MGAT5B: variants seen among roughly 807,000 people sequenced by gnomAD.
The protein encoded by MGAT5B is alpha-1,6-mannosylglycoprotein 6-beta-N-acetylglucosaminyltransferase B.
A neutral mutation model predicts 95.1 loss-of-function variants in MGAT5B; 54 were observed. The ratio of observed to expected loss-of-function variants is 0.57; its 90% CI spans 0.46 to 0.71. MGAT5B has a LOEUF of 0.71. Among genes scored for constraint, MGAT5B ranks in the 30% least tolerant of loss-of-function variants. The pLI, the probability that MGAT5B is intolerant of heterozygous loss-of-function variation, is 0.00. For missense variants in MGAT5B, 935 were observed against 1,088.6 expected (o/e 0.86, Z 1.99); for synonymous variants, 464 against 451.0 (o/e 1.03, Z -0.36).
Position 76,870,416 on chromosome 17 carries a change from G to C in MGAT5B, c.68+1319G>C, listed in dbSNP as rs544852410. Among the ~76,000 whole-genome samples the C allele has an allele frequency of 2.6e-5, 4 of 152,264 alleles. No homozygotes were observed. In the South Asian group the frequency reaches 8.3e-4, roughly 32 times the overall value. On this transcript the variant is annotated intron_variant, in intron 1 of 17. Transcript: ENST00000569840. The surrounding 1 kb of genome is among the most constrained non-coding windows in gnomAD (Gnocchi z 5.0). ...AGCAGGCGTCTCTGGAAAGGGCCTTGCTCCTCCAGGGAAGGCCTTGAATCC... is the reference window on the plus strand; with the variant it reads ...AGCAGGCGTCTCTGGAAAGGGCCTTCCTCCTCCAGGGAAGGCCTTGAATCC...
At chr17:76,926,507 CT>C (rs2145242107) in intron 9 of MGAT5B, 89 bp from the exon 10 acceptor site, 8 of 1,309,650 alleles carry the variant, frequency 6.1e-6, no homozygotes, top group South Asian at 4.1e-5. Context: ...CCACCACTGG[CT>C]GGTGACAGTG....
intron 2 of MGAT5B, among the ~76,000 whole-genome samples, chr17:76,881,732 G>T (rs1967425865): frequency 6.6e-6 from 1 of 152,240 alleles, no homozygotes; most frequent in Non-Finnish European, 1.5e-5. Context: ...GTCCTGCCTG[G>T]AGCTTACCGT....
chr17:76,947,945 C>T lies in MGAT5B; in HGVS notation c.2039C>T (p.Pro680Leu), dbSNP rs1179337475. 5.0e-6 allele frequency: 8 copies of T among 1,612,810 alleles called. No individual in the cohort carries two copies. The South Asian group carries it at 7.7e-5, about 16-fold the overall frequency. Residue 680 changes from proline (P) to leucine (L), a missense_variant, in exon 17 of 18, where the codon CCT (proline) becomes CTT (leucine). Coordinates refer to ENST00000569840, the MANE Select transcript of MGAT5B (RefSeq NM_001199172.2). ...LEWARNTSLA[P>L]GAWPPAHALR... Reference sequence around the variant, plus strand: ...TGGGCTCGGAACACCAGCTTGGCTCCTGGGGCCTGGCCCCCCGCGCACGCC... The same window carrying T: ...TGGGCTCGGAACACCAGCTTGGCTCTTGGGGCCTGGCCCCCCGCGCACGCC...
chr17:76,916,686 G>A lies in MGAT5B; in HGVS notation c.1026-8280G>A, dbSNP rs897069041. Among the ~76,000 whole-genome samples, 16 of 152,322 alleles carry A rather than the reference G, an allele frequency of 1.1e-4. No individual in the cohort carries two copies. In the East Asian group the frequency reaches 1.2e-3, roughly 11 times the overall value. On this transcript the variant is annotated intron_variant, in intron 8 of 17. Coordinates refer to ENST00000569840, the MANE Select transcript of MGAT5B (RefSeq NM_001199172.2). This position sits in a 1 kb window ranked among gnomAD's most constrained non-coding sequence, Gnocchi z 5.3. ...GGGCTGGCTTCTGGATGCTCCTGAC[G>A]GAGGCAGGATTCATCCCTGGGGAGG...
Position 76,932,709 on chromosome 17 carries a change from G to A in MGAT5B, c.1356G>A (p.Arg452=), listed in dbSNP as rs1196770568. The part of the protein sequence containing the change: ...VSEELNETEK[R]LIKGGKASNM... The stretch of plus-strand genomic sequence containing the variant: ...AGGAGCTCAACGAGACGGAGAAGCG[G>A]CTCATCAAAGGCGGCAAGGCCAGCA... The change falls in exon 11 of 18, where the codon CGG becomes CGA. Residue 452 remains arginine, a synonymous_variant. Transcript: ENST00000569840. 5 of 1,614,030 alleles carry A rather than the reference G, an allele frequency of 3.1e-6. No homozygotes were observed. The highest frequency in any genetic ancestry group is 2.2e-5 in the East Asian group (1 of 44,880).
At position 76,882,275 on chromosome 17, in the gene MGAT5B, C is replaced by T. The variant is rs374366379; in HGVS notation, c.306C>T (p.Gly102=). 3.3e-5 allele frequency: 53 copies of T among 1,612,242 alleles called. 1 individual carries two copies. The highest frequency in any genetic ancestry group is 1.8e-4 in the South Asian group (16 of 90,870). Residue 102 remains glycine (G), a synonymous_variant, in exon 3 of 18, where the codon GGC becomes GGT. Coordinates refer to ENST00000569840, the MANE Select transcript of MGAT5B (RefSeq NM_001199172.2). ...ENSSELHRAG[G]DLHFPADRMP... ...GCAGTGAGCTGCACCGGGCCGGCGG[C>T]GACCTGCACTTTCCCGCAGACAGGT...
rs1966918432 is a variant in MGAT5B, at chr17:76,869,561, G to T, written c.68+464G>T. Among the ~76,000 whole-genome samples the T allele has an allele frequency of 6.6e-6, 1 of 151,860 alleles. No homozygotes were observed. ...AGGTCGGCTACCCCCCAACCCCTCC[G>T]CCTGTGCCACCCTCTCCCCAGCCTT... On this transcript the variant is annotated intron_variant, in intron 1 of 17. Coordinates refer to ENST00000569840, the MANE Select transcript of MGAT5B (RefSeq NM_001199172.2). The surrounding 1 kb of genome is among the most constrained non-coding windows in gnomAD (Gnocchi z 7.0).
At chr17:76,939,025 TG>T (rs112555397) in intron 13 of MGAT5B, among the ~76,000 whole-genome samples, 99 of 128,958 alleles carry the variant, frequency 7.7e-4, no homozygotes, top group South Asian at 2.3e-3. Context: ...CAAGGCATCT[TG>T]GGGGTGTGTG....
intron 2 of MGAT5B, among the ~76,000 whole-genome samples, chr17:76,875,307 A>T (rs1347974006): frequency 1.7e-4 from 26 of 152,046 alleles, no homozygotes; most frequent in Admixed American, 1.7e-3. Context: ...GGGGTGGTTT[A>T]CCTTGGTGCT....
chr17:76,881,016 TG>T (rs1967390813), intron 2 of MGAT5B, among the ~76,000 whole-genome samples: 1 of 152,126 alleles, frequency 6.6e-6, no homozygotes, highest in Non-Finnish European at 1.5e-5. Context: ...TGGCTCGTTT[TG>T]GGGGAGTGAT....
intron 2 of MGAT5B, among the ~76,000 whole-genome samples, chr17:76,876,431 A>G (rs1967193360): frequency 6.6e-6 from 1 of 151,474 alleles, no homozygotes; most frequent in South Asian, 2.1e-4. Context: ...AATCAGGAGA[A>G]GGAAACCCTC....
At position 76,930,984 on chromosome 17, in the gene MGAT5B, C is replaced by T. The variant is rs1969462128; in HGVS notation, c.1292-1661C>T. ...GGAATGGGAGGCTTTTCCCCTGTCTCATCCATCTTTGTCCAGCATTCATAA... is the reference window on the plus strand; with the variant it reads ...GGAATGGGAGGCTTTTCCCCTGTCTTATCCATCTTTGTCCAGCATTCATAA... On this transcript the variant is annotated intron_variant, in intron 10 of 17. Coordinates refer to ENST00000569840, the MANE Select transcript of MGAT5B (RefSeq NM_001199172.2). The surrounding 1 kb of genome is among the most constrained non-coding windows in gnomAD (Gnocchi z 4.1). Among the ~76,000 whole-genome samples, 1 of 152,248 alleles carries T rather than the reference C, an allele frequency of 6.6e-6. No homozygotes were observed. The highest frequency in any genetic ancestry group is 1.5e-5 in the Non-Finnish European group (1 of 68,050).
In MGAT5B at chr17:76,882,281, G is replaced by A. The variant is rs749153615; in HGVS notation, c.312G>A (p.Leu104=). 5.0e-6 allele frequency: 8 copies of A among 1,612,052 alleles called. No individual in the cohort carries two copies. The East Asian group carries it at 6.7e-5, about 13-fold the overall frequency. The change falls in exon 3 of 18, where the codon CTG becomes CTA. Residue 104 remains leucine (L), a synonymous_variant. Coordinates refer to ENST00000569840, the MANE Select transcript of MGAT5B (RefSeq NM_001199172.2). ...SSELHRAGGD[L]HFPADRMPPG... ...AGCTGCACCGGGCCGGCGGCGACCT[G>A]CACTTTCCCGCAGACAGGTGAGGGG...
chr17:76,913,709 G>A (rs1968825517), intron 8 of MGAT5B: 1 of 510,304 alleles, frequency 2.0e-6, no homozygotes, highest in Non-Finnish European at 3.9e-6. Context: ...AGCCAGATGT[G>A]GAGTCATGGG....
chr17:76,909,321 T>C (rs1199295380), intron 8 of MGAT5B, among the ~76,000 whole-genome samples: 1 of 152,194 alleles, frequency 6.6e-6, no homozygotes, highest in East Asian at 1.9e-4. Context: ...TTGTACCCAT[T>C]AACCAAACCA....
At position 76,906,327 on chromosome 17, in the gene MGAT5B, G is replaced by GCGGAACACCAGGAT; in HGVS notation, c.1025+140_1025+141insCGGAACACCAGGAT. The stretch of plus-strand genomic sequence containing the variant: ...GCCCTGAGACCCTGGGAGACATCCT[G>GCGGAACACCAGGAT]GTGTTCCGCAGGACATCACCACTCC... On this transcript the variant is annotated intron_variant, in intron 8 of 17. Coordinates refer to ENST00000569840, the MANE Select transcript of MGAT5B (RefSeq NM_001199172.2). The surrounding 1 kb of genome is among the most constrained non-coding windows in gnomAD (Gnocchi z 4.6). 1.3e-6 allele frequency: 1 copy of GCGGAACACCAGGAT among 748,978 alleles called. No individual in the cohort carries two copies. Among genetic ancestry groups the GCGGAACACCAGGAT allele is most frequent in the Non-Finnish European group, 2.1e-6 (1 of 485,550 alleles). 46.4% of individuals were successfully genotyped at this position (748,978 alleles called of 1,614,324 possible).
At chr17:76,901,689 T>C (rs1209394426) in intron 3 of MGAT5B, among the ~76,000 whole-genome samples, 1 of 152,228 alleles carries the variant, frequency 6.6e-6, no homozygotes, top group Non-Finnish European at 1.5e-5. Flanking sequence ...AGGAAGCCAG[T>C]GATAATTTAC....
chr17:76,935,025 G>C (rs920880817), intron 12 of MGAT5B, among the ~76,000 whole-genome samples: 2 of 152,184 alleles, frequency 1.3e-5, no homozygotes, highest in Non-Finnish European at 2.9e-5. Flanking sequence ...TGTGCTAAGC[G>C]GGTCTGTCTT....
intron 12 of MGAT5B, among the ~76,000 whole-genome samples, chr17:76,933,936 C>A (rs958971463): frequency 2.6e-5 from 4 of 152,096 alleles, no homozygotes; most frequent in Non-Finnish European, 4.4e-5. Flanking sequence ...TATCTGCATC[C>A]CAGCCAACAA....
Sources: allele counts gnomAD v4.1 joint callset (sites outside exome capture counted in the v4.1 genomes callset), GRCh38; gene constraint gnomAD v4.1.1; non-coding constraint Gnocchi (gnomAD v3.1); transcripts MANE v1.5; gene names NCBI Gene and HGNC (gene_info 2026-07-23, HGNC 2026-07-21).